Variants in EDIL3 observed in about 807,000 individuals in gnomAD.
EDIL3 encodes EGF like and discoidin domains 3.
In EDIL3, 37 loss-of-function variants were observed where a neutral mutation model predicts 67.4. That is an observed-to-expected ratio of 0.55 (90% CI 0.42 to 0.72). The LOEUF is 0.72. Ranked by LOEUF, EDIL3 falls within the 30% of genes least tolerant of loss-of-function variation. The pLI is 0.00. For missense variants in EDIL3, 527 were observed against 586.3 expected, an observed-to-expected ratio of 0.90 and a Z score of 1.04; for synonymous variants, 195 against 196.3, an observed-to-expected ratio of 0.99 and a Z score of 0.05.
intron 4 of EDIL3, among the ~76,000 whole-genome samples, chr5:84,161,672 A>G (rs1409324107): frequency 2.6e-5 from 4 of 152,090 alleles, no homozygotes; most frequent in African/African-American, 9.7e-5. Context: ...CTAGTTTTGT[A>G]GCATCTAAAA....
intron 1 of EDIL3, among the ~76,000 whole-genome samples, chr5:84,261,685 A>C (rs1180943306): frequency 1.3e-5 from 2 of 152,182 alleles, no homozygotes; most frequent in South Asian, 2.1e-4. Context: ...CCTTGCAATA[A>C]AAGACCATCC....
At chr5:84,233,434 C>T (rs1431156665) in intron 2 of EDIL3, among the ~76,000 whole-genome samples, 1 of 152,172 alleles carries the variant, frequency 6.6e-6, no homozygotes, top group Non-Finnish European at 1.5e-5. Flanking sequence ...ATTGTTGGAA[C>T]CACAGCAGTA....
intron 3 of EDIL3, among the ~76,000 whole-genome samples, chr5:84,182,717 C>G (rs1749035859): frequency 1.3e-5 from 2 of 151,940 alleles, no homozygotes; most frequent in Admixed American, 6.6e-5. Context: ...ACACATGGAA[C>G]AGGAAACAAT....
intron 1 of EDIL3, among the ~76,000 whole-genome samples, chr5:84,294,431 A>C (rs1308213382): frequency 2.0e-5 from 3 of 151,432 alleles, no homozygotes; most frequent in Admixed American, 2.0e-4. Flanking sequence ...ATCCAGATGG[A>C]AATGCTGTGA....
intron 9 of EDIL3, among the ~76,000 whole-genome samples, chr5:83,998,772 C>T (rs1745276969): frequency 6.6e-6 from 1 of 152,180 alleles, no homozygotes; most frequent in Non-Finnish European, 1.5e-5. Context: ...AGCCCTTGGT[C>T]CTTGAATAAA....
intron 3 of EDIL3, among the ~76,000 whole-genome samples, chr5:84,194,523 T>C (rs1034046434): frequency 7.2e-5 from 11 of 152,072 alleles, no homozygotes; most frequent in African/African-American, 2.6e-4. Flanking sequence ...CATGAAAATG[T>C]AGACTCAAAT....
At chr5:84,278,678 C>A (rs1745636040) in intron 1 of EDIL3, among the ~76,000 whole-genome samples, 1 of 152,144 alleles carries the variant, frequency 6.6e-6, no homozygotes, top group African/African-American at 2.4e-5. Context: ...ACAAACTTTT[C>A]TCCATGTAAT....
intron 6 of EDIL3, among the ~76,000 whole-genome samples, chr5:84,080,842 T>C: frequency 6.6e-6 from 1 of 152,216 alleles, no homozygotes; most frequent in East Asian, 1.9e-4. Context: ...AAATGCTTTT[T>C]TATTTTAATC....
intron 3 of EDIL3, among the ~76,000 whole-genome samples, chr5:84,212,151 C>T (rs1202044984): frequency 6.6e-6 from 1 of 152,126 alleles, no homozygotes; most frequent in Non-Finnish European, 1.5e-5. Flanking sequence ...ATTGATCCCT[C>T]ATTCTGTCTT....
intron 6 of EDIL3, among the ~76,000 whole-genome samples, chr5:84,105,849 A>T (rs766556656): frequency 1.3e-5 from 2 of 152,052 alleles, no homozygotes; most frequent in Non-Finnish European, 1.5e-5. Context: ...CTCAAAAGCT[A>T]TCTGCCCCAG....
chr5:84,181,125 T>C (rs1050199358), intron 3 of EDIL3: 1 of 152,184 alleles, frequency 6.6e-6, no homozygotes, highest in African/African-American at 2.4e-5. Flanking sequence ...TTTCTGCCAA[T>C]CTAAAACGAG....
rs528253428 is a variant in EDIL3 at position 84,029,672 on chromosome 5, C to T, written c.1137+30628G>A. 3.3e-5 allele frequency among the ~76,000 whole-genome samples: 5 copies of T among 152,198 alleles called. No homozygotes were observed. In the East Asian group the frequency reaches 5.8e-4, roughly 18 times the overall value. On this transcript the variant is annotated intron_variant, in intron 9 of 10. Coordinates refer to ENST00000296591, the MANE Select transcript of EDIL3 (RefSeq NM_005711.5). ...AACCCTCAAAAGGGTTAAGATTAAG[C>T]GGATAATACTGAAATAACAGCAAGA...
chr5:83,991,873 T>A (rs757697243), intron 9 of EDIL3, among the ~76,000 whole-genome samples: 1 of 152,268 alleles, frequency 6.6e-6, no homozygotes, highest in South Asian at 2.1e-4. Context: ...GTGAATATAC[T>A]CAGATCCTCT....
intron 1 of EDIL3, among the ~76,000 whole-genome samples, chr5:84,381,457 T>C (rs949777028): frequency 6.6e-6 from 1 of 152,196 alleles, no homozygotes; most frequent in African/African-American, 2.4e-5. Context: ...CAATGTGTAA[T>C]AATAATATAA....
At chr5:83,944,580 ATTTAGTCTTTATCTGAAGATTTTATCC>A (rs1744280465) in intron 10 of EDIL3, among the ~76,000 whole-genome samples, 1 of 151,812 alleles carries the variant, frequency 6.6e-6, no homozygotes, top group South Asian at 2.1e-4. Flanking sequence ...TATTTATATT[ATTTAGTCTTTATCTGAAGATTTTATCC>A]TTTTTTTCTT....
At chr5:84,123,749 G>T (rs1466987348) in intron 5 of EDIL3, among the ~76,000 whole-genome samples, 1 of 151,800 alleles carries the variant, frequency 6.6e-6, no homozygotes, top group African/African-American at 2.4e-5. Context: ...AAGCAGCCTT[G>T]TAGACAATTT....
intron 2 of EDIL3, among the ~76,000 whole-genome samples, chr5:84,242,481 A>T (rs2112060435): frequency 6.6e-6 from 1 of 152,268 alleles, no homozygotes; most frequent in South Asian, 2.1e-4. Flanking sequence ...CATGCTCAGC[A>T]TGTAAGAAAC....
chr5:84,162,308 G>A (rs1234763666), intron 4 of EDIL3, among the ~76,000 whole-genome samples: 5 of 152,144 alleles, frequency 3.3e-5, no homozygotes, highest in African/African-American at 1.2e-4. Context: ...GATCTCCAAT[G>A]TGAGATCCAG....
At chr5:84,372,863 TTG>T (rs1747883922) in intron 1 of EDIL3, among the ~76,000 whole-genome samples, 1 of 152,178 alleles carries the variant, frequency 6.6e-6, no homozygotes, top group African/African-American at 2.4e-5. Flanking sequence ...ATTATTAAGA[TTG>T]TAATGTGTCA....
Sources: gnomAD v4.1 joint callset for allele counts (sites outside exome capture counted in the v4.1 genomes callset) on GRCh38, gnomAD v4.1.1 for gene constraint, MANE v1.5 for transcripts, NCBI Gene and HGNC (gene_info 2026-07-23, HGNC 2026-07-21) for gene names.